FSTL4: variants seen among roughly 807,000 people sequenced by gnomAD.
The protein encoded by FSTL4 is follistatin-related protein 4.
A neutral mutation model predicts 78.2 loss-of-function variants in FSTL4; 28 were observed. That is an observed-to-expected ratio of 0.36 (90% CI 0.27 to 0.49). FSTL4 has a LOEUF of 0.49. Among genes scored for constraint, FSTL4 ranks in the 20% least tolerant of loss-of-function variants. FSTL4 has a pLI of 0.98. For missense variants in FSTL4, 922 were observed against 1,084.9 expected (o/e 0.85, Z 2.11); for synonymous variants, 422 against 440.5 (o/e 0.96, Z 0.53).
intron 6 of FSTL4, among the ~76,000 whole-genome samples, chr5:133,296,674 C>A (rs1302236776): frequency 6.6e-6 from 1 of 152,168 alleles, no homozygotes. Context: ...TTAATTTTGC[C>A]CACCCCTGCC....
At chr5:133,215,601 A>G (rs1186180655) in intron 13 of FSTL4, among the ~76,000 whole-genome samples, 1 of 152,110 alleles carries the variant, frequency 6.6e-6, no homozygotes, top group Non-Finnish European at 1.5e-5. Context: ...CTTGTAGTGC[A>G]TTAGTTTCAT....
intron 4 of FSTL4, among the ~76,000 whole-genome samples, chr5:133,373,838 A>G (rs905000328): frequency 1.3e-5 from 2 of 152,186 alleles, no homozygotes; most frequent in African/African-American, 4.8e-5. Context: ...ACTTGCCTCT[A>G]CCTTCAGCAG....
intron 6 of FSTL4, among the ~76,000 whole-genome samples, chr5:133,306,964 A>G (rs1489377318): frequency 1.3e-5 from 2 of 152,176 alleles, no homozygotes; most frequent in East Asian, 3.8e-4. Flanking sequence ...TTTGCCTAAT[A>G]TTTACTATAG....
the FSTL4 span, among the ~76,000 whole-genome samples, chr5:133,668,165 C>T: frequency 2.6e-5 from 4 of 152,162 alleles, no homozygotes; most frequent in Non-Finnish European, 5.9e-5. Context: ...CACTCCTGGG[C>T]TCGCTGCACA....
the FSTL4 span, among the ~76,000 whole-genome samples, chr5:133,758,694 C>T: frequency 1.3e-5 from 2 of 152,198 alleles, no homozygotes; most frequent in Admixed American, 1.3e-4. Flanking sequence ...AACAGATTAC[C>T]TCCAAAATTT....
intron 3 of FSTL4, among the ~76,000 whole-genome samples, chr5:133,493,745 T>C (rs933974602): frequency 3.9e-5 from 6 of 152,204 alleles, no homozygotes; most frequent in African/African-American, 1.4e-4. Context: ...TTTTTGTACC[T>C]AGAAATTTCT....
the FSTL4 span, among the ~76,000 whole-genome samples, chr5:133,792,856 G>C: frequency 2.6e-5 from 4 of 152,168 alleles, no homozygotes; most frequent in African/African-American, 9.7e-5. Context: ...CTCATGGAAA[G>C]GAACAGGAAA....
chr5:133,582,255 G>A (rs1284933874), intron 2 of FSTL4, among the ~76,000 whole-genome samples: 1 of 152,134 alleles, frequency 6.6e-6, no homozygotes, highest in Non-Finnish European at 1.5e-5. Context: ...GGCTTGCAGT[G>A]CACGAGACAC....
intron 6 of FSTL4, among the ~76,000 whole-genome samples, chr5:133,251,663 G>A (rs1448947334): frequency 2.6e-5 from 4 of 152,158 alleles, no homozygotes; most frequent in African/African-American, 4.8e-5. Context: ...CCAGGCTGAT[G>A]TCATTGAGAT....
chr5:133,262,440 T>C (rs1752553957), intron 6 of FSTL4, among the ~76,000 whole-genome samples: 1 of 152,186 alleles, frequency 6.6e-6, no homozygotes, highest in Admixed American at 6.5e-5. Context: ...CACTCCAAAG[T>C]GAAAATGGGT....
the FSTL4 span, among the ~76,000 whole-genome samples, chr5:133,775,760 A>T: frequency 6.6e-6 from 1 of 152,182 alleles, no homozygotes; most frequent in African/African-American, 2.4e-5. Flanking sequence ...TATTATCAAC[A>T]GGAGAAGAAA....
the FSTL4 span, among the ~76,000 whole-genome samples, chr5:133,617,867 G>T: frequency 2.6e-5 from 4 of 152,166 alleles, no homozygotes; most frequent in Admixed American, 2.6e-4. Context: ...AGAAGATCTA[G>T]CTGGGAGGGC....
the FSTL4 span, among the ~76,000 whole-genome samples, chr5:133,657,075 G>A: frequency 6.6e-6 from 1 of 152,168 alleles, no homozygotes; most frequent in Admixed American, 6.5e-5. Flanking sequence ...CAGAAGTCAG[G>A]TTTGGACATT....
intron 14 of FSTL4, among the ~76,000 whole-genome samples, chr5:133,203,180 A>G (rs1354897404): frequency 6.6e-6 from 1 of 152,244 alleles, no homozygotes; most frequent in African/African-American, 2.4e-5. Context: ...CCCTCTGTGC[A>G]GGAGAGGAGG....
the FSTL4 span, among the ~76,000 whole-genome samples, chr5:133,799,450 A>G: frequency 1.4e-5 from 2 of 138,546 alleles, 1 homozygote; most frequent in Non-Finnish European, 3.2e-5. Flanking sequence ...AGCCACAGAC[A>G]CTGCTTCTCA....
intron 1 of FSTL4, among the ~76,000 whole-genome samples, chr5:133,609,425 A>G (rs1432980700): frequency 1.3e-5 from 2 of 152,198 alleles, no homozygotes; most frequent in African/African-American, 4.8e-5. Flanking sequence ...AGGGGGAAAA[A>G]AAGCCACATC....
At chr5:133,625,497 T>A in the FSTL4 span, among the ~76,000 whole-genome samples, 1 of 151,214 alleles carries the variant, frequency 6.6e-6, no homozygotes, top group Non-Finnish European at 1.5e-5. Flanking sequence ...CTGTGCCTTC[T>A]CCCCTTTTTA....
chr5:133,208,259 T>C (rs1272395980), intron 14 of FSTL4: 1 of 152,220 alleles, frequency 6.6e-6, no homozygotes, highest in Non-Finnish European at 1.5e-5. Flanking sequence ...TCTTTTGTCC[T>C]GACAGGTAAA....
upstream of FSTL4, among the ~76,000 whole-genome samples, chr5:133,617,541 T>C (rs1375317845): frequency 6.6e-6 from 1 of 152,152 alleles, no homozygotes; most frequent in Non-Finnish European, 1.5e-5. Flanking sequence ...GGATGGTCTC[T>C]ACGGAGATGC....
Sources: allele counts gnomAD v4.1 joint callset (sites outside exome capture counted in the v4.1 genomes callset), GRCh38; gene constraint gnomAD v4.1.1; transcripts MANE v1.5; gene names NCBI Gene and HGNC (gene_info 2026-07-23, HGNC 2026-07-21).